Variants in GRM8 observed in about 807,000 individuals in gnomAD.
GRM8 encodes glutamate metabotropic receptor 8, also known as metabotropic glutamate receptor 8.
In GRM8, 47 loss-of-function variants were observed where a neutral mutation model predicts 87.2. The ratio of observed to expected loss-of-function variants is 0.54; its 90% CI spans 0.43 to 0.69. The LOEUF is 0.69. GRM8 is among the 30% of genes least tolerant of loss of function. GRM8 has a pLI of 0.00. For missense variants in GRM8, 1,019 were observed against 1,139.2 expected, an observed-to-expected ratio of 0.89 and a Z score of 1.52; for synonymous variants, 396 against 404.5, an observed-to-expected ratio of 0.98 and a Z score of 0.25.
intron 8 of GRM8, among the ~76,000 whole-genome samples, chr7:126,586,040 GACAA>G (rs1348608328): frequency 3.3e-5 from 5 of 152,146 alleles, no homozygotes; most frequent in East Asian, 1.9e-4. Context: ...ACCAATAACA[GACAA>G]ACAGAGAGCC....
chr7:126,569,631 A>G (rs1794528460), intron 8 of GRM8, among the ~76,000 whole-genome samples: 2 of 152,156 alleles, frequency 1.3e-5, no homozygotes, highest in Admixed American at 1.3e-4. Context: ...ACTGTTCATC[A>G]GTTTTGCTGT....
chr7:126,462,954 CCTT>C (rs1357697075), intron 9 of GRM8, among the ~76,000 whole-genome samples: 1 of 151,578 alleles, frequency 6.6e-6, no homozygotes, highest in Non-Finnish European at 1.5e-5. Context: ...AATGTGTACT[CCTT>C]CTTCCATTGT....
intron 3 of GRM8, among the ~76,000 whole-genome samples, chr7:127,073,649 G>A (rs949901924): frequency 6.6e-6 from 1 of 152,016 alleles, no homozygotes; most frequent in Admixed American, 6.6e-5. Flanking sequence ...AACTGACCCC[G>A]CAAATTAATA....
At chr7:126,471,578 T>G (rs4443600) in intron 9 of GRM8, among the ~76,000 whole-genome samples, 124,687 of 151,348 alleles carry the variant, frequency 0.82, 51,767 homozygotes, top group African/African-American at 0.94. Context: ...GTACCATGCT[T>G]CTTTGGTTAC....
At chr7:127,078,226 C>A (rs1822487973) in intron 3 of GRM8, among the ~76,000 whole-genome samples, 1 of 152,210 alleles carries the variant, frequency 6.6e-6, no homozygotes, top group South Asian at 2.1e-4. Flanking sequence ...AATGTCACCT[C>A]CCCTGGCAGC....
intron 9 of GRM8, among the ~76,000 whole-genome samples, chr7:126,475,361 C>A (rs1339129123): frequency 2.0e-5 from 3 of 151,816 alleles, no homozygotes; most frequent in East Asian, 3.9e-4. Flanking sequence ...GAAAAAAATT[C>A]TATGTGCCAT....
chr7:126,579,773 G>A (rs571309770), intron 8 of GRM8, among the ~76,000 whole-genome samples: 22 of 152,190 alleles, frequency 1.4e-4, no homozygotes, highest in African/African-American at 5.3e-4. Flanking sequence ...ATGCAAAATT[G>A]TGGCATTTAA....
chr7:127,013,988 CAAATGAGATTGT>C (rs1207908195), intron 3 of GRM8, among the ~76,000 whole-genome samples: 1 of 152,084 alleles, frequency 6.6e-6, no homozygotes, highest in Non-Finnish European at 1.5e-5. Context: ...CTGAAAGGTC[CAAATGAGATTGT>C]AGATGAGAAG....
chr7:126,656,919 G>T (rs1051374168), intron 7 of GRM8, among the ~76,000 whole-genome samples: 2 of 152,186 alleles, frequency 1.3e-5, no homozygotes, highest in Non-Finnish European at 2.9e-5. Context: ...CGGTTGCAGG[G>T]TCTTACCTCT....
intron 2 of GRM8, among the ~76,000 whole-genome samples, chr7:127,232,951 C>A (rs755780516): frequency 5.3e-5 from 8 of 152,130 alleles, no homozygotes; most frequent in Non-Finnish European, 8.8e-5. Context: ...GATTCTCCTG[C>A]CTCAGCCTCC....
chr7:126,802,742 C>T (rs1822861180), intron 6 of GRM8, among the ~76,000 whole-genome samples: 1 of 152,100 alleles, frequency 6.6e-6, no homozygotes, highest in African/African-American at 2.4e-5. Flanking sequence ...GCATAAATGG[C>T]AGAATCACTA....
chr7:126,454,506 A>ATT (rs36011802), intron 9 of GRM8, among the ~76,000 whole-genome samples: 51 of 148,420 alleles, frequency 3.4e-4, no homozygotes, highest in Middle Eastern at 3.5e-3. Flanking sequence ...TAAAAGTGCT[A>ATT]TTTTTTTTTT....
chr7:127,225,413 G>A (rs2116756770), intron 2 of GRM8, among the ~76,000 whole-genome samples: 2 of 152,198 alleles, frequency 1.3e-5, no homozygotes, highest in South Asian at 4.2e-4. Context: ...TTCCCTCCTG[G>A]GGGAGAACAG....
intron 7 of GRM8, among the ~76,000 whole-genome samples, chr7:126,616,935 T>A (rs1255159495): frequency 6.6e-6 from 1 of 152,168 alleles, no homozygotes; most frequent in Non-Finnish European, 1.5e-5. Context: ...AGAGCCAAAT[T>A]CTACCAGAGG....
intron 7 of GRM8, among the ~76,000 whole-genome samples, chr7:126,709,423 AGAGGAGGAG>A (rs529826860): frequency 1.3e-5 from 2 of 151,876 alleles, no homozygotes; most frequent in Admixed American, 6.6e-5. Context: ...AAGAAAAAGA[AGAGGAGGAG>A]GAGGAGGAGG....
At chr7:126,966,306 T>C (rs1036069239) in intron 3 of GRM8, among the ~76,000 whole-genome samples, 24 of 152,230 alleles carry the variant, frequency 1.6e-4, no homozygotes, top group African/African-American at 5.8e-4. Flanking sequence ...AGTTAATTTT[T>C]GTATTTTTAG....
intron 3 of GRM8, among the ~76,000 whole-genome samples, chr7:127,061,660 C>T (rs998710224): frequency 6.6e-6 from 1 of 152,094 alleles, no homozygotes; most frequent in African/African-American, 2.4e-5. Flanking sequence ...ACTGTGTTTC[C>T]AGATCTTCCT....
chr7:126,901,191 A>G (rs1477717926), intron 6 of GRM8, among the ~76,000 whole-genome samples: 2 of 151,980 alleles, frequency 1.3e-5, no homozygotes, highest in Admixed American at 1.3e-4. Context: ...CTGGCGCTAG[A>G]GCTTGTCATG....
intron 3 of GRM8, among the ~76,000 whole-genome samples, chr7:127,012,515 C>A (rs2132119566): frequency 6.6e-6 from 1 of 152,168 alleles, no homozygotes; most frequent in East Asian, 1.9e-4. Context: ...TAATTGCAGG[C>A]ATTTGGGCCT....
Sources: gnomAD v4.1 joint callset for allele counts (sites outside exome capture counted in the v4.1 genomes callset) on GRCh38, gnomAD v4.1.1 for gene constraint, MANE v1.5 for transcripts, NCBI Gene and HGNC (gene_info 2026-07-23, HGNC 2026-07-21) for gene names.